The following CCDC192 variants were observed in gnomAD, a reference collection of about 807,000 sequenced individuals.
The protein encoded by CCDC192 is coiled-coil domain-containing protein 192.
intron 5 of CCDC192, among the ~76,000 whole-genome samples, chr5:127,817,825 C>G (rs1749094440): frequency 6.6e-6 from 1 of 152,052 alleles, no homozygotes; most frequent in Non-Finnish European, 1.5e-5. Flanking sequence ...AATCTAAATG[C>G]ATATCTAGGA....
intron 3 of CCDC192, among the ~76,000 whole-genome samples, chr5:127,756,396 AGGG>A (rs1409017880): frequency 6.6e-6 from 1 of 151,934 alleles, no homozygotes; most frequent in Non-Finnish European, 1.5e-5. Context: ...TTCGACGGGG[AGGG>A]GCCCGGGAAG....
chr5:127,801,598 A>G (rs1757510315), intron 5 of CCDC192, among the ~76,000 whole-genome samples: 3 of 152,186 alleles, frequency 2.0e-5, no homozygotes, highest in Admixed American at 1.3e-4. Context: ...AAACTGGAAT[A>G]TCCTTCTCTC....
intron 5 of CCDC192, among the ~76,000 whole-genome samples, chr5:127,864,923 G>A (rs1376648575): frequency 2.0e-5 from 3 of 152,118 alleles, no homozygotes; most frequent in African/African-American, 4.8e-5. Flanking sequence ...CAAGGTGGGC[G>A]GATCACGAGG....
rs1753042559 is a variant in CCDC192 at position 127,736,920 on chromosome 5, T to G, written c.115-17348T>G. Among the ~76,000 whole-genome samples, 5 of 150,970 alleles carry G rather than the reference T, an allele frequency of 3.3e-5. No homozygotes were observed. The South Asian group carries it at 1.1e-3, about 32-fold the overall frequency. On this transcript the variant is annotated intron_variant, in intron 2 of 6. Transcript: ENST00000514853. ...AATTTTTTGAAGGGTTTTTTGTGTC[T>G]CTATTTCCTTCAGTTCTGCTCAGAT...
chr5:127,784,882 G>T, intron 3 of CCDC192: 1 of 450,226 alleles, frequency 2.2e-6, no homozygotes, highest in South Asian at 1.8e-5. Flanking sequence ...CAGTTTCATG[G>T]GCACATTGAT....
chr5:127,877,794 A>G (rs1241874933), intron 6 of CCDC192, among the ~76,000 whole-genome samples: 1 of 151,512 alleles, frequency 6.6e-6, no homozygotes, highest in Non-Finnish European at 1.5e-5. Context: ...ACCCCCCCAC[A>G]CACATATTTC....
intron 5 of CCDC192, among the ~76,000 whole-genome samples, chr5:127,804,601 T>C (rs1313945062): frequency 6.6e-6 from 1 of 152,208 alleles, no homozygotes; most frequent in Non-Finnish European, 1.5e-5. Context: ...TCTCTTTTTC[T>C]TTAAGCTAGC....
At chr5:127,787,956 C>T (rs1756642321) in intron 3 of CCDC192, among the ~76,000 whole-genome samples, 1 of 151,980 alleles carries the variant, frequency 6.6e-6, no homozygotes, top group African/African-American at 2.4e-5. Flanking sequence ...ATAATGCATG[C>T]CTGTAATCCC....
chr5:127,924,631 C>T (rs1201476687), intron 6 of CCDC192, among the ~76,000 whole-genome samples: 1 of 152,218 alleles, frequency 6.6e-6, no homozygotes, highest in Admixed American at 6.5e-5. Flanking sequence ...TGGGACAAGA[C>T]TTCCATGGAC....
Position 127,862,203 on chromosome 5 carries a change from G to A in CCDC192, c.412-13335G>A, listed in dbSNP as rs562622415. 2.0e-5 allele frequency among the ~76,000 whole-genome samples: 3 copies of A among 152,262 alleles called. No individual in the cohort carries two copies. The East Asian group carries it at 5.8e-4, about 29-fold the overall frequency. On this transcript the variant is annotated intron_variant, in intron 5 of 6. Transcript: ENST00000514853. ...AATTTCAAAAACCTGCAATTCCTTT[G>A]CTTCAACAAATCTCTTTCTCTCTCA...
At chr5:127,884,975 C>T (rs1752507200) in intron 6 of CCDC192, among the ~76,000 whole-genome samples, 2 of 152,174 alleles carry the variant, frequency 1.3e-5, no homozygotes, top group Admixed American at 1.3e-4. Context: ...TTTCTAACTA[C>T]ACCAGCTGTG....
chr5:127,816,792 A>G (rs1280268959), intron 5 of CCDC192, among the ~76,000 whole-genome samples: 1 of 152,212 alleles, frequency 6.6e-6, no homozygotes, highest in Non-Finnish European at 1.5e-5. Flanking sequence ...AGGTGGGGAA[A>G]TAACCAAGCT....
At chr5:127,739,251 G>A (rs1333606350) in intron 2 of CCDC192, among the ~76,000 whole-genome samples, 1 of 152,176 alleles carries the variant, frequency 6.6e-6, no homozygotes, top group Non-Finnish European at 1.5e-5. Context: ...CGGGGGTCAG[G>A]GGTCAGGGAC....
chr5:127,809,069 G>A (rs1757942381), intron 5 of CCDC192, among the ~76,000 whole-genome samples: 1 of 151,882 alleles, frequency 6.6e-6, no homozygotes, highest in South Asian at 2.1e-4. Flanking sequence ...CATCTCAAGG[G>A]GATACAGCCT....
At chr5:127,743,790 G>A (rs1753570850) in intron 2 of CCDC192, among the ~76,000 whole-genome samples, 1 of 152,172 alleles carries the variant, frequency 6.6e-6, no homozygotes, top group African/African-American at 2.4e-5. Context: ...GGGCAATTTA[G>A]TATAAGAAAC....
intron 5 of CCDC192, among the ~76,000 whole-genome samples, chr5:127,804,815 AT>A (rs1757694132): frequency 1.3e-5 from 2 of 152,146 alleles, no homozygotes; most frequent in Admixed American, 1.3e-4. Flanking sequence ...GGTGATTGTG[AT>A]GGTGGTAAAA....
At chr5:127,738,122 C>A (rs185057244) in intron 2 of CCDC192, among the ~76,000 whole-genome samples, 8,332 of 151,228 alleles carry the variant, frequency 0.055, 534 homozygotes, top group East Asian at 0.27. Flanking sequence ...GTAAGGCAGG[C>A]CTGGTGGTGA....
At position 127,779,042 on chromosome 5, in the gene CCDC192, T is replaced by A. The variant is rs561143365; in HGVS notation, c.223-18061T>A. ...CAACATAGCTAAATATTTATCAACT[T>A]TGTTGATTATTTCAAGGAACCAATA... On this transcript the variant is annotated intron_variant, in intron 3 of 6. Coordinates refer to ENST00000514853, the MANE Select transcript of CCDC192 (RefSeq NM_001317938.2). Among the ~76,000 whole-genome samples the A allele has an allele frequency of 2.0e-4, 30 of 152,260 alleles. No homozygotes were observed. In the South Asian group the frequency reaches 6.2e-3, roughly 32 times the overall value.
chr5:127,858,738 C>T (rs1013415114), intron 5 of CCDC192, among the ~76,000 whole-genome samples: 11 of 152,128 alleles, frequency 7.2e-5, no homozygotes, highest in African/African-American at 2.4e-4. Flanking sequence ...AGAAGCAAGG[C>T]CCAGTCACTG....
Sources: allele counts gnomAD v4.1 joint callset (sites outside exome capture counted in the v4.1 genomes callset), GRCh38; gene constraint gnomAD v4.1.1; transcripts MANE v1.5; gene names NCBI Gene and HGNC (gene_info 2026-07-23, HGNC 2026-07-21).